Variants in RC3H1 observed in about 807,000 individuals in gnomAD.
The protein encoded by RC3H1 is roquin-1.
RC3H1 carries 50 observed loss-of-function variants against 138.2 expected under a neutral mutation model. That is an observed-to-expected ratio of 0.36 (90% CI 0.29 to 0.46). RC3H1 has a LOEUF of 0.46. RC3H1 is among the 20% of genes least tolerant of loss of function. RC3H1 has a pLI of 1.00. For missense variants in RC3H1, 1,031 were observed against 1,388.1 expected (o/e 0.74, Z 4.09); for synonymous variants, 462 against 489.1 (o/e 0.94, Z 0.73).
At position 173,936,708 on chromosome 1, in the gene RC3H1, C is replaced by CAAAA. The variant is rs138809455; in HGVS notation, c.*2009_*2012dup. ...TAAAAGTCAAAAAGCAAACAAAAGC[C>CAAAA]AAAAAAAAAAGAAAAAGCATACATA... On this transcript the variant is annotated 3_prime_UTR_variant, in exon 20 of 20. Coordinates refer to ENST00000367696, the MANE Select transcript of RC3H1 (RefSeq NM_172071.4). The CAAAA allele has an allele frequency of 6.3e-4, 46 of 72,784 alleles. No homozygotes were observed. The highest frequency in any genetic ancestry group is 7.5e-3 in the Middle Eastern group (1 of 134). 4.5% of individuals were successfully genotyped at this position (72,784 alleles called of 1,614,324 possible). A position where few individuals can be genotyped will look rare whatever the true frequency, so the allele number is the denominator to read the frequency against.
intron 7 of RC3H1, among the ~76,000 whole-genome samples, chr1:173,974,047 CA>C (rs996366554): frequency 6.6e-5 from 10 of 151,974 alleles, no homozygotes; most frequent in Admixed American, 3.9e-4. Context: ...AAATTTTAGA[CA>C]GAGGCAATCC....
chr1:173,962,888 A>G lies in RC3H1; in HGVS notation c.1832-793T>C, dbSNP rs565591120. On this transcript the variant is annotated intron_variant, in intron 11 of 19. Transcript: ENST00000367696. ...TTATCATATTTTGCATGAATTAGTA[A>G]TGCCATATCAATTAAAAAACATTCT... Among the ~76,000 whole-genome samples, 3 of 152,354 alleles carry G rather than the reference A, an allele frequency of 2.0e-5. No individual in the cohort carries two copies. In the South Asian group the frequency reaches 6.2e-4, roughly 32 times the overall value.
Position 173,964,153 on chromosome 1 carries a change from G to C in RC3H1, c.1651C>G (p.Pro551Ala). 1 of 1,613,974 alleles carries C rather than the reference G, an allele frequency of 6.2e-7. No individual in the cohort carries two copies. The highest frequency in any genetic ancestry group is 8.5e-7 in the Non-Finnish European group (1 of 1,179,926). The stretch of plus-strand genomic sequence containing the variant: ...GGAGGTATAGAATGTGGATTCACAG[G>C]TAAGGCAGAAATACTCTTAGGAACA... Reference protein sequence around the residue: ...ESVPKSISALPVNPHSIPPRG... With the variant: ...ESVPKSISALAVNPHSIPPRG... The change falls in exon 11 of 20, where the codon CCT becomes GCT. Residue 551 changes from proline to alanine, a missense_variant. This residue lies in a region of RC3H1 where 716 missense variants were observed against 837.9 expected (regional missense o/e 0.85). Transcript: ENST00000367696.
intron 11 of RC3H1, among the ~76,000 whole-genome samples, chr1:173,963,313 C>A (rs1326942450): frequency 6.6e-6 from 1 of 151,900 alleles, no homozygotes; most frequent in Admixed American, 6.6e-5. Context: ...TAGGGCATTT[C>A]TTCCATTAAG....
chr1:173,935,979 G>A lies in RC3H1; in HGVS notation c.*2742C>T, dbSNP rs1042674462. ...TTTTTTCCCCCAAATGAAAATACAT[G>A]AAAAGAGAAAGATACTATTTTAAGT... is the stretch of plus-strand genomic sequence containing the variant. On this transcript the variant is annotated 3_prime_UTR_variant, in exon 20 of 20. Coordinates refer to ENST00000367696, the MANE Select transcript of RC3H1 (RefSeq NM_172071.4). 1 of 152,124 alleles carries A rather than the reference G, an allele frequency of 6.6e-6. No homozygotes were observed. The highest frequency in any genetic ancestry group is 2.4e-5 in the African/African-American group (1 of 41,440). 9.4% of individuals were successfully genotyped at this position (152,124 alleles called of 1,614,324 possible). A position where few individuals can be genotyped will look rare whatever the true frequency, so the allele number is the denominator to read the frequency against.
chr1:173,949,129 T>TGG lies in RC3H1; in HGVS notation c.2524-1549_2524-1548dup, dbSNP rs34983635. Among the ~76,000 whole-genome samples the TGG allele has an allele frequency of 3.3e-3, 250 of 75,800 alleles. 2 individuals carry two copies. Among genetic ancestry groups the TGG allele is most frequent in the East Asian group, 6.5e-3 (13 of 1,994 alleles). 49.7% of individuals were successfully genotyped at this position (75,800 alleles called of 152,430 possible). ...CTTCCTCTAAAACTCTCTATTTTTT[T>TGG]GGGGGGGGGGGTGGGGCTGGCATAT... is the stretch of plus-strand genomic sequence containing the variant. On this transcript the variant is annotated intron_variant, in intron 14 of 19. Transcript: ENST00000367696.
At chr1:173,998,150 A>G (rs1281154021) in intron 1 of RC3H1, among the ~76,000 whole-genome samples, 1 of 152,190 alleles carries the variant, frequency 6.6e-6, no homozygotes, top group Admixed American at 6.5e-5. Context: ...AAAAAGGGCC[A>G]CAAAACAAAA....
chr1:173,947,917 T>C (rs1188421354), intron 14 of RC3H1, among the ~76,000 whole-genome samples: 2 of 151,982 alleles, frequency 1.3e-5, no homozygotes, highest in African/African-American at 4.8e-5. Flanking sequence ...TAATTTTTTT[T>C]GATTATTTAT....
chr1:173,936,742 T>C lies in RC3H1; in HGVS notation c.*1979A>G, dbSNP rs867347962. 2.4e-5 allele frequency: 1 copy of C among 41,082 alleles called. No homozygotes were observed. The highest frequency in any genetic ancestry group is 3.5e-4 in the African/African-American group (1 of 2,874). 2.5% of individuals were successfully genotyped at this position (41,082 alleles called of 1,614,324 possible). ...AAGAAAAAGCATACATATATATATA[T>C]ATATATATATATATATATATTTTTT... On this transcript the variant is annotated 3_prime_UTR_variant, in exon 20 of 20. Transcript: ENST00000367696.
chr1:173,941,305 G>T lies in RC3H1; in HGVS notation c.3211C>A (p.Gln1071Lys). 6.2e-7 allele frequency: 1 copy of T among 1,613,686 alleles called. No individual in the cohort carries two copies. The highest frequency in any genetic ancestry group is 1.1e-5 in the South Asian group (1 of 91,066). ...KQAENGQPEPQNKVPAEDLTL... is the reference protein window; with the variant it reads ...KQAENGQPEPKNKVPAEDLTL... ...AGGTCCTCAGCCGGAACCTTGTTTT[G>T]TGGTTCTGGTTGTCCATTTTCTGCT... Residue 1071 changes from glutamine (Q) to lysine (K), a missense_variant, in exon 19 of 20, where the codon CAA becomes AAA. By Grantham distance (53) the Gln-to-Lys change is moderately conservative. Around this residue, in one of 7 missense-constraint regions of RC3H1, gnomAD observed 716 missense variants for 837.9 expected, o/e 0.85. Coordinates refer to ENST00000367696, the MANE Select transcript of RC3H1 (RefSeq NM_172071.4).
intron 13 of RC3H1, among the ~76,000 whole-genome samples, chr1:173,953,885 A>G (rs1659523670): frequency 6.6e-6 from 1 of 152,064 alleles, no homozygotes; most frequent in Non-Finnish European, 1.5e-5. Flanking sequence ...CTAAAAATAC[A>G]AAAATTAGCT....
At chr1:173,987,984 G>A (rs1033732368) in intron 2 of RC3H1, among the ~76,000 whole-genome samples, 2 of 151,920 alleles carry the variant, frequency 1.3e-5, no homozygotes, top group East Asian at 1.9e-4. Flanking sequence ...GAATTAATTC[G>A]TACCCCCATG....
At position 173,932,455 on chromosome 1, in the gene RC3H1, C is replaced by T. The variant is rs1658419339; in HGVS notation, c.*6266G>A. The T allele has an allele frequency of 6.6e-6, 1 of 151,964 alleles. No individual in the cohort carries two copies. The highest frequency in any genetic ancestry group is 2.4e-5 in the African/African-American group (1 of 41,404). 9.4% of individuals were successfully genotyped at this position (151,964 alleles called of 1,614,324 possible). ...AGGTTTTGTTCATTACCTTAATTCA[C>T]TTTTTCCATTGTTCTTGTACCAAAA... On this transcript the variant is annotated 3_prime_UTR_variant, in exon 20 of 20. Coordinates refer to ENST00000367696, the MANE Select transcript of RC3H1 (RefSeq NM_172071.4).
intron 13 of RC3H1, among the ~76,000 whole-genome samples, chr1:173,956,551 C>T (rs1221587621): frequency 1.3e-5 from 2 of 151,346 alleles, no homozygotes; most frequent in African/African-American, 4.9e-5. Context: ...CCCAGCTCCT[C>T]GGGTGGCTGA....
At chr1:173,965,499 G>A (rs1403682469) in intron 9 of RC3H1, among the ~76,000 whole-genome samples, 1 of 152,178 alleles carries the variant, frequency 6.6e-6, no homozygotes, top group Non-Finnish European at 1.5e-5. Context: ...ACTAAGGCAG[G>A]AGAATCACTT....
At chr1:174,002,261 G>A (rs560548601) in intron 1 of RC3H1, among the ~76,000 whole-genome samples, 1 of 152,218 alleles carries the variant, frequency 6.6e-6, no homozygotes, top group Admixed American at 6.5e-5. Flanking sequence ...TTTTTATAAA[G>A]GAAGTTTACT....
chr1:173,990,141 G>A (rs987725482), intron 2 of RC3H1, among the ~76,000 whole-genome samples: 3 of 150,758 alleles, frequency 2.0e-5, no homozygotes, highest in African/African-American at 7.3e-5. Context: ...GCAGTGGTGT[G>A]ATTTTAGCTC....
intron 14 of RC3H1, among the ~76,000 whole-genome samples, chr1:173,948,062 AT>A (rs1268859799): frequency 6.6e-6 from 1 of 152,222 alleles, no homozygotes; most frequent in East Asian, 1.9e-4. Context: ...TATTTTTAAA[AT>A]TTATGGGAGG....
chr1:173,984,450 T>G, intron 3 of RC3H1, 49 bp downstream of exon 3: 3 of 1,584,940 alleles, frequency 1.9e-6, no homozygotes, highest in Non-Finnish European at 2.6e-6. Flanking sequence ...GTACTGAGTA[T>G]TTAAAAAAGC....
Sources: gnomAD v4.1 joint callset for allele counts (sites outside exome capture counted in the v4.1 genomes callset) on GRCh38, gnomAD v4.1.1 for gene constraint, gnomAD v4.1.1 regional missense constraint, MANE v1.5 for transcripts, NCBI Gene and HGNC (gene_info 2026-07-23, HGNC 2026-07-21) for gene names.